The following HS6ST3 variants were observed in gnomAD, a reference collection of about 807,000 sequenced individuals.
The protein encoded by HS6ST3 is heparan-sulfate 6-O-sulfotransferase 3.
In HS6ST3, 12 loss-of-function variants were observed where a neutral mutation model predicts 36.7. The ratio of observed to expected loss-of-function variants is 0.33; its 90% CI spans 0.21 to 0.53. The LOEUF (loss-of-function observed/expected upper bound fraction) is 0.53. Ranked by LOEUF, HS6ST3 falls within the 20% of genes least tolerant of loss-of-function variation. The pLI is 0.95. For missense variants in HS6ST3, 584 were observed against 640.9 expected (o/e 0.91, Z 0.96); for synonymous variants, 240 against 257.5 (o/e 0.93, Z 0.65).
intron 1 of HS6ST3, among the ~76,000 whole-genome samples, chr13:96,493,255 C>T (rs756301574): frequency 6.6e-6 from 1 of 152,088 alleles, no homozygotes; most frequent in African/African-American, 2.4e-5. Context: ...AGGGAGGTTA[C>T]CTTAATGATT....
intron 1 of HS6ST3, among the ~76,000 whole-genome samples, chr13:96,528,351 G>A (rs975240320): frequency 1.5e-4 from 23 of 152,066 alleles, no homozygotes; most frequent in African/African-American, 5.6e-4. Context: ...TCACTTTGAG[G>A]AAAACAAATG....
At chr13:96,310,574 GCT>G (rs144558231) in intron 1 of HS6ST3, among the ~76,000 whole-genome samples, 187 of 152,062 alleles carry the variant, frequency 1.2e-3, no homozygotes, top group African/African-American at 4.2e-3. Flanking sequence ...TTTGAGATAT[GCT>G]CTCTCTCTTT....
chr13:96,104,788 C>T (rs1236195784), intron 1 of HS6ST3, among the ~76,000 whole-genome samples: 1 of 152,170 alleles, frequency 6.6e-6, no homozygotes, highest in African/African-American at 2.4e-5. Flanking sequence ...GTGTTTTCCC[C>T]TCTCCCTTGG....
At chr13:96,796,870 G>A (rs1434731367) in intron 1 of HS6ST3, among the ~76,000 whole-genome samples, 2 of 151,990 alleles carry the variant, frequency 1.3e-5, no homozygotes, top group African/African-American at 4.8e-5. Context: ...TATTTGGTAG[G>A]GGACTATCGA....
rs9554359 is a variant in HS6ST3, at chr13:96,700,220, G to A, written c.708-132270G>A. The stretch of plus-strand genomic sequence containing the variant: ...GCTGGGGAGGCCCCACAATCATGGC[G>A]GAAGGCAAAAGGCAAATCTTACGTG... On this transcript the variant is annotated intron_variant, in intron 1 of 1. Transcript: ENST00000376705. 0.011 allele frequency among the ~76,000 whole-genome samples: 1,654 copies of A among 152,246 alleles called. 169 individuals carry two copies. In the East Asian group the frequency reaches 0.24, roughly 22 times the overall value.
At chr13:96,387,630 G>A (rs2055374890) in intron 1 of HS6ST3, among the ~76,000 whole-genome samples, 1 of 152,126 alleles carries the variant, frequency 6.6e-6, no homozygotes. Flanking sequence ...ATTTTGCTTT[G>A]TACTTCATTA....
At chr13:96,709,012 C>A (rs1008299310) in intron 1 of HS6ST3, among the ~76,000 whole-genome samples, 10 of 152,246 alleles carry the variant, frequency 6.6e-5, no homozygotes, top group Non-Finnish European at 1.5e-4. Flanking sequence ...AATCTCATCT[C>A]AAATTATAAT....
At chr13:96,770,659 G>T (rs750377268) in intron 1 of HS6ST3, among the ~76,000 whole-genome samples, 14 of 152,166 alleles carry the variant, frequency 9.2e-5, no homozygotes, top group Admixed American at 9.2e-4. Context: ...AATGGGTATT[G>T]AATTAGAGAT....
intron 1 of HS6ST3, among the ~76,000 whole-genome samples, chr13:96,635,127 G>T (rs186987196): frequency 6.6e-6 from 1 of 152,174 alleles, no homozygotes; most frequent in East Asian, 1.9e-4. Flanking sequence ...TCTCAGTTGG[G>T]TTCCCTATTT....
At chr13:96,688,868 C>A (rs956372610) in intron 1 of HS6ST3, among the ~76,000 whole-genome samples, 3 of 152,026 alleles carry the variant, frequency 2.0e-5, no homozygotes, top group Non-Finnish European at 4.4e-5. Flanking sequence ...CTCTGAGCAT[C>A]CTCCTCACTA....
chr13:96,194,084 G>A (rs1361810506), intron 1 of HS6ST3, among the ~76,000 whole-genome samples: 3 of 152,160 alleles, frequency 2.0e-5, no homozygotes, highest in African/African-American at 7.2e-5. Context: ...CAGTAATCCT[G>A]TGAGTAGACA....
chr13:96,454,886 AAC>A (rs1555305959), intron 1 of HS6ST3, among the ~76,000 whole-genome samples: 7 of 151,714 alleles, frequency 4.6e-5, no homozygotes, highest in South Asian at 2.1e-4. Context: ...AAAAAAAAAA[AAC>A]ATACGCCTTT....
chr13:96,774,281 G>C (rs964592321), intron 1 of HS6ST3, among the ~76,000 whole-genome samples: 1 of 152,106 alleles, frequency 6.6e-6, no homozygotes, highest in Non-Finnish European at 1.5e-5. Flanking sequence ...CTCCTCCAAA[G>C]GATCACAACT....
chr13:96,262,804 T>C (rs2054672973), intron 1 of HS6ST3, among the ~76,000 whole-genome samples: 1 of 152,126 alleles, frequency 6.6e-6, no homozygotes, highest in Non-Finnish European at 1.5e-5. Flanking sequence ...GCATACGATA[T>C]TATCAGATAC....
At position 96,833,431 on chromosome 13, in the gene HS6ST3, C is replaced by A; in HGVS notation, c.*233C>A. ...TATTAAGTAGGGTAGGAGTGCATCC[C>A]ATATAGGCCATTTTAGAAGGCCAAG... On this transcript the variant is annotated 3_prime_UTR_variant, in exon 2 of 2. Coordinates refer to ENST00000376705, the MANE Select transcript of HS6ST3 (RefSeq NM_153456.4). 4.4e-6 allele frequency: 2 copies of A among 452,992 alleles called. No individual in the cohort carries two copies. The highest frequency in any genetic ancestry group is 4.4e-5 in the South Asian group (1 of 22,786). The allele number at this position is 452,992 out of a possible 1,614,324, so 28.1% of individuals were successfully genotyped here. A position where few individuals can be genotyped will look rare whatever the true frequency, so the allele number is the denominator to read the frequency against.
chr13:96,459,125 A>AAAG lies in HS6ST3; in HGVS notation c.707+367556_707+367557insAAG, dbSNP rs71113996. Among the ~76,000 whole-genome samples, 4 of 138,530 alleles carry AAAG rather than the reference A, an allele frequency of 2.9e-5. No individual in the cohort carries two copies. In the East Asian group the frequency reaches 6.4e-4, roughly 22 times the overall value. 90.9% of individuals were successfully genotyped at this position (138,530 alleles called of 152,430 possible). On this transcript the variant is annotated intron_variant, in intron 1 of 1. Transcript: ENST00000376705. ...TAAAAAAAAAAAAAAAAAAAAAAAA[A>AAAG]GAGGTGACATGAAAAGCAGTGGAGC...
chr13:96,588,702 A>T (rs2056371195), intron 1 of HS6ST3, among the ~76,000 whole-genome samples: 1 of 151,922 alleles, frequency 6.6e-6, no homozygotes, highest in South Asian at 2.1e-4. Context: ...TTATTTTTGT[A>T]GTATGTTTGT....
At chr13:96,491,856 G>C (rs1226586693) in intron 1 of HS6ST3, among the ~76,000 whole-genome samples, 2 of 152,030 alleles carry the variant, frequency 1.3e-5, no homozygotes, top group Non-Finnish European at 2.9e-5. Flanking sequence ...GTGCCTCGAA[G>C]ATCTCCCAGA....
intron 1 of HS6ST3, among the ~76,000 whole-genome samples, chr13:96,286,317 T>G (rs2054802228): frequency 6.6e-6 from 1 of 152,150 alleles, no homozygotes; most frequent in African/African-American, 2.4e-5. Context: ...ATCCCTCCTG[T>G]TTCCTTCCTG....
Sources: allele counts gnomAD v4.1 joint callset (sites outside exome capture counted in the v4.1 genomes callset), GRCh38; gene constraint gnomAD v4.1.1; transcripts MANE v1.5; gene names NCBI Gene and HGNC (gene_info 2026-07-23, HGNC 2026-07-21).